PSD3: variants seen among roughly 807,000 people sequenced by gnomAD.
PSD3 encodes PH and SEC7 domain-containing protein 3.
A neutral mutation model predicts 105.5 loss-of-function variants in PSD3; 49 were observed. That is an observed-to-expected ratio of 0.46 (90% CI 0.37 to 0.59). The LOEUF (loss-of-function observed/expected upper bound fraction) is 0.59. PSD3 is among the 20% of genes least tolerant of loss of function. The probability of loss-of-function intolerance (pLI) is 0.00; values close to 1 mark genes in which losing one functional copy is unlikely to be tolerated. For synonymous variants in PSD3, 557 were observed against 457.8 expected (o/e 1.22, Z -2.77); for missense variants, 1,561 against 1,263.8 (o/e 1.24, Z -3.57).
chr8:18,649,011 C>T (rs568990946), intron 10 of PSD3, among the ~76,000 whole-genome samples: 54 of 152,340 alleles, frequency 3.5e-4, no homozygotes, highest in African/African-American at 7.7e-4. Flanking sequence ...CAGACATCTG[C>T]GGCAGGGGTG....
chr8:18,853,130 T>C (rs1815726833), intron 4 of PSD3, among the ~76,000 whole-genome samples: 1 of 152,146 alleles, frequency 6.6e-6, no homozygotes, highest in East Asian at 1.9e-4. Context: ...AAATATTCTC[T>C]TTGTCATTTC....
chr8:18,790,799 C>T (rs572192641), intron 8 of PSD3, among the ~76,000 whole-genome samples: 48 of 151,302 alleles, frequency 3.2e-4, no homozygotes, highest in African/African-American at 1.1e-3. Flanking sequence ...GGCCTTGGGG[C>T]CACTGTGTCT....
intron 9 of PSD3, among the ~76,000 whole-genome samples, chr8:18,713,057 C>A (rs1802352453): frequency 1.3e-5 from 2 of 152,000 alleles, no homozygotes; most frequent in African/African-American, 2.4e-5. Flanking sequence ...CGATAGATAC[C>A]AAAAAGACCT....
intron 2 of PSD3, among the ~76,000 whole-genome samples, chr8:18,896,165 A>C (rs1424381299): frequency 6.6e-6 from 1 of 152,256 alleles, no homozygotes; most frequent in Non-Finnish European, 1.5e-5. Flanking sequence ...TTGTTACTGC[A>C]AAAGAGTATT....
In PSD3 at chr8:18,535,634, C is replaced by A; in HGVS notation, c.*109G>T. 1.1e-6 allele frequency: 1 copy of A among 894,752 alleles called. No individual in the cohort carries two copies. Among genetic ancestry groups the A allele is most frequent in the Non-Finnish European group, 1.7e-6 (1 of 578,818 alleles). 55.4% of individuals were successfully genotyped at this position (894,752 alleles called of 1,614,324 possible). ...TACAATAGAAAAAATTACTAATGCACCGTTTTGTCACAGACTTTTTTTTTT... is the reference window on the plus strand; with the variant it reads ...TACAATAGAAAAAATTACTAATGCAACGTTTTGTCACAGACTTTTTTTTTT... On this transcript the variant is annotated 3_prime_UTR_variant, in exon 16 of 16. Transcript: ENST00000327040.
intron 9 of PSD3, among the ~76,000 whole-genome samples, chr8:18,737,342 C>T (rs895066997): frequency 3.9e-5 from 6 of 151,948 alleles, no homozygotes; most frequent in Admixed American, 1.3e-4. Context: ...TGTGTGTGTG[C>T]GTGTGACGGG....
chr8:18,888,079 A>C (rs1277981236), intron 2 of PSD3, among the ~76,000 whole-genome samples: 2 of 152,170 alleles, frequency 1.3e-5, no homozygotes, highest in African/African-American at 4.8e-5. Context: ...CCCTAAGCTA[A>C]AGTGCCTCCA....
At chr8:18,638,934 G>C (rs567860396) in intron 10 of PSD3, among the ~76,000 whole-genome samples, 1 of 152,276 alleles carries the variant, frequency 6.6e-6, no homozygotes, top group East Asian at 1.9e-4. Context: ...TTCTGGAAAA[G>C]GTTTCAAGAA....
intron 11 of PSD3, among the ~76,000 whole-genome samples, chr8:18,606,606 G>T (rs1804852534): frequency 1.3e-5 from 2 of 152,056 alleles, no homozygotes; most frequent in African/African-American, 4.8e-5. Context: ...CACAAACTTT[G>T]TTATCTAGGA....
intron 1 of PSD3, among the ~76,000 whole-genome samples, chr8:19,083,326 G>A (rs965140423): frequency 6.6e-6 from 1 of 152,204 alleles, no homozygotes; most frequent in Non-Finnish European, 1.5e-5. Flanking sequence ...GGAGAGGGTG[G>A]GCTGCAGGCA....
At chr8:19,038,339 G>T (rs953513873) in intron 1 of PSD3, among the ~76,000 whole-genome samples, 1 of 151,926 alleles carries the variant, frequency 6.6e-6, no homozygotes, top group Non-Finnish European at 1.5e-5. Context: ...CTGAATTTGG[G>T]GTCCCTTTTT....
chr8:18,922,644 TCCA>T (rs1235524500), intron 2 of PSD3, among the ~76,000 whole-genome samples: 24 of 152,274 alleles, frequency 1.6e-4, no homozygotes, highest in African/African-American at 5.3e-4. Context: ...GGACTCAGTC[TCCA>T]AGACTGCCCC....
intron 1 of PSD3, among the ~76,000 whole-genome samples, chr8:18,942,276 A>G (rs1039770021): frequency 2.6e-5 from 4 of 152,188 alleles, no homozygotes; most frequent in African/African-American, 4.8e-5. Context: ...CTATAAAATA[A>G]TATTTCATGA....
chr8:18,976,308 C>T (rs751703749), intron 1 of PSD3, among the ~76,000 whole-genome samples: 1 of 152,008 alleles, frequency 6.6e-6, no homozygotes, highest in Non-Finnish European at 1.5e-5. Flanking sequence ...ATTGTATAAC[C>T]TTATTATTAA....
At chr8:18,601,292 A>G (rs765681633) in intron 11 of PSD3, among the ~76,000 whole-genome samples, 2 of 152,236 alleles carry the variant, frequency 1.3e-5, no homozygotes, top group African/African-American at 2.4e-5. Context: ...TAATACAATT[A>G]AAATCTATAA....
chr8:18,719,391 A>T lies in PSD3; in HGVS notation c.2172+46058T>A, dbSNP rs146012080. On this transcript the variant is annotated intron_variant, in intron 9 of 15. Transcript: ENST00000327040. ...TTCCATGTTTTAGAGAACTCCAGAG[A>T]AAAAGAATTTTCTCAAGCCACATAC... 2.7e-4 allele frequency among the ~76,000 whole-genome samples: 41 copies of T among 152,322 alleles called. No homozygotes were observed. The East Asian group carries it at 7.9e-3, about 29-fold the overall frequency.
intron 11 of PSD3, among the ~76,000 whole-genome samples, chr8:18,624,403 C>T (rs1806333580): frequency 6.6e-6 from 1 of 151,454 alleles, no homozygotes; most frequent in Non-Finnish European, 1.5e-5. Flanking sequence ...ATTTTCTGAG[C>T]ATGGCCTCTT....
intron 10 of PSD3, among the ~76,000 whole-genome samples, chr8:18,652,054 G>A (rs190801797): frequency 5.9e-5 from 9 of 152,202 alleles, no homozygotes; most frequent in South Asian, 4.1e-4. Context: ...GCAGGGGTTC[G>A]AAGTGGTGGT....
intron 2 of PSD3, among the ~76,000 whole-genome samples, chr8:18,888,823 C>T (rs1043127430): frequency 4.6e-5 from 7 of 152,118 alleles, no homozygotes; most frequent in Admixed American, 2.6e-4. Context: ...CTTCTAAGAC[C>T]GCTCCTTCCA....
Sources: allele counts gnomAD v4.1 joint callset (sites outside exome capture counted in the v4.1 genomes callset), GRCh38; gene constraint gnomAD v4.1.1; transcripts MANE v1.5; gene names NCBI Gene and HGNC (gene_info 2026-07-23, HGNC 2026-07-21).